Variants in C3orf18 observed in about 807,000 individuals in gnomAD.
C3orf18 encodes chromosome 3 open reading frame 18.
A neutral mutation model predicts 14.1 loss-of-function variants in C3orf18; 12 were observed. That is an observed-to-expected ratio of 0.85 (90% CI 0.55 to 1.38). C3orf18 has a LOEUF of 1.38. Among genes scored for constraint, C3orf18 ranks in the 40% most tolerant of loss-of-function variants. The pLI, the probability that C3orf18 is intolerant of heterozygous loss-of-function variation, is 0.00. For missense variants in C3orf18, 196 were observed against 213.9 expected (o/e 0.92, Z 0.52); for synonymous variants, 82 against 87.9 (o/e 0.93, Z 0.38).
In C3orf18 at chr3:50,565,386, A is replaced by G. The variant is rs944183080; in HGVS notation, c.234+80T>C. 1 of 1,105,172 alleles carries G rather than the reference A, an allele frequency of 9.0e-7. No individual in the cohort carries two copies. Among genetic ancestry groups the G allele is most frequent in the African/African-American group, 1.6e-5 (1 of 64,502 alleles). The allele number at this position is 1,105,172 out of a possible 1,614,324, so 68.5% of individuals were successfully genotyped here. A position where few individuals can be genotyped will look rare whatever the true frequency, so the allele number is the denominator to read the frequency against. ...TGTCTCAAAAACAACAATAACAACA[A>G]CCAGATTGTCTTCTGATTGATTAGG... On this transcript the variant is annotated intron_variant, in intron 3 of 5. Transcript: ENST00000357203. The surrounding 1 kb of genome is among the most constrained non-coding windows in gnomAD (Gnocchi z 4.4).
In C3orf18 at chr3:50,565,862, C is replaced by T. The variant is rs1700261677; in HGVS notation, c.-162-1G>A. ...AGGGAGCCCCCTGCCTTCCTGGGTG[C>T]TAGAAAGGAAAGAATAAGAAACATG... On this transcript the variant is annotated splice_acceptor_variant, in intron 2 of 5. Transcript: ENST00000357203. LOFTEE classifies it low-confidence loss of function (5UTR_SPLICE). The surrounding 1 kb of genome is among the most constrained non-coding windows in gnomAD (Gnocchi z 4.4). 1 of 601,886 alleles carries T rather than the reference C, an allele frequency of 1.7e-6. No individual in the cohort carries two copies. The highest frequency in any genetic ancestry group is 2.0e-5 in the South Asian group (1 of 50,490). 37.3% of individuals were successfully genotyped at this position (601,886 alleles called of 1,614,324 possible).
intron 5 of C3orf18, 78 bp from the exon 6 acceptor site, chr3:50,559,815 C>T (rs1699856102): frequency 2.3e-6 from 2 of 860,990 alleles, no homozygotes; most frequent in South Asian, 2.4e-5. Context: ...TCCACCCTCA[C>T]TTCCTGGTGC....
At chr3:50,562,150 G>A (rs982565994) in intron 3 of C3orf18, among the ~76,000 whole-genome samples, 4 of 152,156 alleles carry the variant, frequency 2.6e-5, no homozygotes, top group African/African-American at 9.7e-5. Context: ...CACCCGCCTC[G>A]GCCTCCCAAA....
rs531328353 is a variant in C3orf18, at chr3:50,560,952, G to C, written c.373C>G (p.Gln125Glu). ...LEHGRDAASVQAATSVQAMQG... is the reference protein window; with the variant it reads ...LEHGRDAASVEAATSVQAMQG... ...ATGGCCTGCACAGAAGTAGCAGCCT[G>C]TACAGAGGCGGCGTCCCGCCCATGC... Residue 125 changes from glutamine to glutamate, a missense_variant, in exon 5 of 6, where the codon CAG (glutamine) becomes GAG (glutamate). Gln to Glu is a conservative substitution (Grantham distance 29, BLOSUM62 2). Transcript: ENST00000357203. 4 of 1,614,002 alleles carry C rather than the reference G, an allele frequency of 2.5e-6. No individual in the cohort carries two copies. In the African/African-American group the frequency reaches 5.3e-5, roughly 21 times the overall value.
At chr3:50,562,942 G>A (rs1257538076) in intron 3 of C3orf18, among the ~76,000 whole-genome samples, 1 of 152,128 alleles carries the variant, frequency 6.6e-6, no homozygotes, top group Non-Finnish European at 1.5e-5. Flanking sequence ...GTAAGACTTG[G>A]GGGACCACCT....
At position 50,558,255 on chromosome 3, in the gene C3orf18, C is replaced by T. The variant is rs997553814; in HGVS notation, c.*1402G>A. On this transcript the variant is annotated 3_prime_UTR_variant, in exon 6 of 6. Transcript: ENST00000357203. ...CCAGTGGAAGGTCTGCATACACTAC[C>T]CCTGCATCCCCTCCAGCCAGCAGCG... 6.0e-6 allele frequency: 1 copy of T among 167,482 alleles called. No homozygotes were observed. The highest frequency in any genetic ancestry group is 2.4e-5 in the African/African-American group (1 of 41,644). The allele number at this position is 167,482 out of a possible 1,614,324, so 10.4% of individuals were successfully genotyped here. A position where few individuals can be genotyped will look rare whatever the true frequency, so the allele number is the denominator to read the frequency against.
rs186689643 is a variant in C3orf18 at position 50,559,219 on chromosome 3, C to T, written c.*438G>A. The T allele has an allele frequency of 1.6e-5, 20 of 1,289,166 alleles. No homozygotes were observed. In the East Asian group the frequency reaches 6.6e-4, roughly 43 times the overall value. 79.9% of individuals were successfully genotyped at this position (1,289,166 alleles called of 1,614,324 possible). On this transcript the variant is annotated 3_prime_UTR_variant, in exon 6 of 6. Coordinates refer to ENST00000357203, the MANE Select transcript of C3orf18 (RefSeq NM_016210.5). ...TATAACTTGGGTGGTTTCCTCTCCC[C>T]ACCCCAGAGGAGGCTCCAGATTCCA... is the stretch of plus-strand genomic sequence containing the variant.
chr3:50,559,099 A>T lies in C3orf18; in HGVS notation c.*558T>A. 7.8e-7 allele frequency: 1 copy of T among 1,289,650 alleles called. No individual in the cohort carries two copies. Among genetic ancestry groups the T allele is most frequent in the Non-Finnish European group, 1.0e-6 (1 of 988,826 alleles). 79.9% of individuals were successfully genotyped at this position (1,289,650 alleles called of 1,614,324 possible). ...TAGTATGGATGGACCCTGGGTGTGA[A>T]TTGCCCTTCTCCTGGCATCCTTGCA... On this transcript the variant is annotated 3_prime_UTR_variant, in exon 6 of 6. Coordinates refer to ENST00000357203, the MANE Select transcript of C3orf18 (RefSeq NM_016210.5).
upstream of C3orf18, among the ~76,000 whole-genome samples, chr3:50,572,566 G>A (rs954397923): frequency 6.6e-6 from 1 of 152,226 alleles, no homozygotes; most frequent in East Asian, 1.9e-4. Context: ...TTCTCAGGAG[G>A]CATGGAGGAA....
Position 50,565,626 on chromosome 3 carries a change from G to A in C3orf18, c.74C>T (p.Pro25Leu). Residue 25 changes from proline to leucine, a missense_variant, in exon 3 of 6, where the codon CCT (proline) becomes CTT (leucine). By Grantham distance (98) the Pro-to-Leu change is moderately conservative. Transcript: ENST00000357203. The surrounding 1 kb of genome is among the most constrained non-coding windows in gnomAD (Gnocchi z 4.4). ...CTCGGAGGCTGGCCCATCTGTGGCA[G>A]GTTCCAGGTCAGACTCAGAGGTGGG... Reference protein sequence around the residue: ...RPPTSESDLEPATDGPASETT... With the variant: ...RPPTSESDLELATDGPASETT... The A allele has an allele frequency of 6.2e-7, 1 of 1,613,800 alleles. No homozygotes were observed. The highest frequency in any genetic ancestry group is 8.5e-7 in the Non-Finnish European group (1 of 1,180,034).
chr3:50,564,018 G>T (rs2107287973), intron 3 of C3orf18, among the ~76,000 whole-genome samples: 1 of 152,354 alleles, frequency 6.6e-6, no homozygotes, highest in African/African-American at 2.4e-5. Flanking sequence ...TGCCTGTGCT[G>T]CACCCTGGGC....
upstream of C3orf18, chr3:50,572,147 A>G: frequency 6.2e-7 from 1 of 1,613,906 alleles, no homozygotes; most frequent in African/African-American, 1.3e-5. Flanking sequence ...GGAGAGTGGG[A>G]CTTCCAGGGG....
At chr3:50,573,233 C>A (rs537322909), upstream of C3orf18, among the ~76,000 whole-genome samples, 1 of 152,174 alleles carries the variant, frequency 6.6e-6, no homozygotes, top group African/African-American at 2.4e-5. Context: ...GGGGGCAGCA[C>A]GTGGACTTCC....
intron 5 of C3orf18, among the ~76,000 whole-genome samples, chr3:50,560,620 T>C (rs17051017): frequency 0.027 from 4,145 of 152,260 alleles, 216 homozygotes; most frequent in African/African-American, 0.095. Context: ...GGATTTTCAA[T>C]TGTGGAAGAG....
rs984578003 is a variant in C3orf18, at chr3:50,565,369, AAAC to A, written c.234+94_234+96del. On this transcript the variant is annotated intron_variant, in intron 3 of 5. Transcript: ENST00000357203. The surrounding 1 kb of genome is among the most constrained non-coding windows in gnomAD (Gnocchi z 4.4). ...ATGACAGAGCAAGACTCTGTCTCAA[AAAC>A]AACAATAACAACAACCAGATTGTCT... The A allele has an allele frequency of 2.1e-5, 21 of 992,388 alleles. No homozygotes were observed. The highest frequency in any genetic ancestry group is 1.1e-4 in the African/African-American group (7 of 62,526). 61.5% of individuals were successfully genotyped at this position (992,388 alleles called of 1,614,324 possible). A position where few individuals can be genotyped will look rare whatever the true frequency, so the allele number is the denominator to read the frequency against.
At chr3:50,563,245 T>G (rs1195531370) in intron 3 of C3orf18, among the ~76,000 whole-genome samples, 1 of 152,088 alleles carries the variant, frequency 6.6e-6, no homozygotes, top group Non-Finnish European at 1.5e-5. Context: ...TGCTCTCCTG[T>G]GGGTAGGCTG....
chr3:50,559,024 A>T lies in C3orf18; in HGVS notation c.*633T>A. 1 of 1,289,750 alleles carries T rather than the reference A, an allele frequency of 7.8e-7. No individual in the cohort carries two copies. Among genetic ancestry groups the T allele is most frequent in the Non-Finnish European group, 1.0e-6 (1 of 988,832 alleles). The allele number at this position is 1,289,750 out of a possible 1,614,324, so 79.9% of individuals were successfully genotyped here. Reference sequence around the variant, plus strand: ...GCTCCCATCCTAGCTTGGCCCCAGTAACATCTGGTTGCCAAGGATGGGTGG... The same window carrying T: ...GCTCCCATCCTAGCTTGGCCCCAGTTACATCTGGTTGCCAAGGATGGGTGG... On this transcript the variant is annotated 3_prime_UTR_variant, in exon 6 of 6. Transcript: ENST00000357203.
At chr3:50,566,320 C>A (rs921364734) in intron 1 of C3orf18, among the ~76,000 whole-genome samples, 1 of 151,912 alleles carries the variant, frequency 6.6e-6, no homozygotes, top group Admixed American at 6.6e-5. Context: ...GTCTTTGAAA[C>A]CTAGCTCAGC....
At chr3:50,562,905 A>G (rs1171696622) in intron 3 of C3orf18, among the ~76,000 whole-genome samples, 2 of 152,142 alleles carry the variant, frequency 1.3e-5, no homozygotes, top group East Asian at 1.9e-4. Context: ...AACCCTGTAC[A>G]ATGCCCTGAG....
Sources: allele counts gnomAD v4.1 joint callset (sites outside exome capture counted in the v4.1 genomes callset), GRCh38; gene constraint gnomAD v4.1.1; non-coding constraint Gnocchi (gnomAD v3.1); transcripts MANE v1.5; gene names NCBI Gene and HGNC (gene_info 2026-07-23, HGNC 2026-07-21).